The following MAS1 variants were observed in gnomAD, a reference collection of about 807,000 sequenced individuals.
The protein encoded by MAS1 is proto-oncogene Mas.
For synonymous variants in MAS1, 163 were observed against 164.2 expected (o/e 0.99, Z 0.05); for missense variants, 387 against 409.7 (o/e 0.94, Z 0.48).
At chr6:159,903,430 G>C (rs572761763) in intron 2 of MAS1, among the ~76,000 whole-genome samples, 1 of 152,096 alleles carries the variant, frequency 6.6e-6, no homozygotes, top group Admixed American at 6.5e-5. Flanking sequence ...CCAGGTTCCC[G>C]AGCACTAAGC....
In MAS1 at chr6:159,913,917, T is replaced by C. The variant is rs1455697453; in HGVS notation, c.*5984T>C. 4 of 152,238 alleles carry C rather than the reference T, an allele frequency of 2.6e-5. No homozygotes were observed. Among genetic ancestry groups the C allele is most frequent in the African/African-American group, 4.8e-5 (2 of 41,456 alleles). 9.4% of individuals were successfully genotyped at this position (152,238 alleles called of 1,614,324 possible). On this transcript the variant is annotated 3_prime_UTR_variant, in exon 3 of 3. Coordinates refer to ENST00000674077, the MANE Select transcript of MAS1 (RefSeq NM_002377.4). Reference sequence around the variant, plus strand: ...TCATTCATGGATAAGGAGATCCTCTTACACTAATTATTTAAATGTGTACAT... The same window carrying C: ...TCATTCATGGATAAGGAGATCCTCTCACACTAATTATTTAAATGTGTACAT...
At chr6:159,904,077 G>T (rs114514207) in intron 2 of MAS1, among the ~76,000 whole-genome samples, 2 of 152,140 alleles carry the variant, frequency 1.3e-5, no homozygotes, top group African/African-American at 4.8e-5. Context: ...GGCCTCCTGG[G>T]AGCCCTTCTT....
chr6:159,916,453 A>G lies in MAS1; in HGVS notation c.*8520A>G, dbSNP rs1027894248. 1 of 152,188 alleles carries G rather than the reference A, an allele frequency of 6.6e-6. No homozygotes were observed. The highest frequency in any genetic ancestry group is 2.4e-5 in the African/African-American group (1 of 41,432). 9.4% of individuals were successfully genotyped at this position (152,188 alleles called of 1,614,324 possible). A position where few individuals can be genotyped will look rare whatever the true frequency, so the allele number is the denominator to read the frequency against. On this transcript the variant is annotated 3_prime_UTR_variant, in exon 3 of 3. Transcript: ENST00000674077. ...ATGGACATGTAGCTAACCCCACTGT[A>G]CTGTATTCTTAAAAATGTTTCAGAT...
In MAS1 at chr6:159,907,866, A is replaced by G. The variant is rs748801784; in HGVS notation, c.911A>G (p.Lys304Arg). The G allele has an allele frequency of 1.3e-5, 21 of 1,611,630 alleles. No homozygotes were observed. The highest frequency in any genetic ancestry group is 1.4e-5 in the Non-Finnish European group (16 of 1,179,614). Residue 304 changes from lysine (K) to arginine (R), a missense_variant, in exon 3 of 3, where the codon AAA becomes AGA. By Grantham distance (26) the Lys-to-Arg change is conservative (BLOSUM62 2). Coordinates refer to ENST00000674077, the MANE Select transcript of MAS1 (RefSeq NM_002377.4). The part of the protein sequence containing the change: ...SLKVVLTRAF[K>R]DEMQPRRQKD... ...AAAGTTGTTCTGACCAGGGCTTTCA[A>G]AGATGAAATGCAACCTCGGCGCCAG...
chr6:159,907,653 C>T lies in MAS1; in HGVS notation c.698C>T (p.Thr233Ile). ...SSKLYIVIMV[T>I]IIIFLIFAMP... ...AAGCTTTACATAGTCATCATGGTCACCATCATTATATTCCTCATCTTCGCT... is the reference window on the plus strand; with the variant it reads ...AAGCTTTACATAGTCATCATGGTCATCATCATTATATTCCTCATCTTCGCT... The change falls in exon 3 of 3, where the codon ACC becomes ATC. Residue 233 changes from threonine to isoleucine, a missense_variant. Thr to Ile is a moderately conservative substitution (Grantham distance 89). Coordinates refer to ENST00000674077, the MANE Select transcript of MAS1 (RefSeq NM_002377.4). The T allele has an allele frequency of 6.2e-7, 1 of 1,613,858 alleles. No homozygotes were observed. The highest frequency in any genetic ancestry group is 8.5e-7 in the Non-Finnish European group (1 of 1,179,984).
rs976193293 is a variant in MAS1, at chr6:159,909,466, G to A, written c.*1533G>A. On this transcript the variant is annotated 3_prime_UTR_variant, in exon 3 of 3. Coordinates refer to ENST00000674077, the MANE Select transcript of MAS1 (RefSeq NM_002377.4). ...AGAGGAGTCTGTCCCCTCGAGCAAGGACCCCACTGCCAGCCAAGCTTGGAT... is the reference window on the plus strand; with the variant it reads ...AGAGGAGTCTGTCCCCTCGAGCAAGAACCCCACTGCCAGCCAAGCTTGGAT... 1.3e-5 allele frequency: 2 copies of A among 152,186 alleles called. No homozygotes were observed. Among genetic ancestry groups the A allele is most frequent in the Non-Finnish European group, 2.9e-5 (2 of 68,032 alleles). 9.4% of individuals were successfully genotyped at this position (152,186 alleles called of 1,614,324 possible).
intron 1 of MAS1, among the ~76,000 whole-genome samples, chr6:159,891,637 G>A (rs1264062359): frequency 6.6e-6 from 1 of 152,116 alleles, no homozygotes; most frequent in Non-Finnish European, 1.5e-5. Context: ...TCCTTAGTGG[G>A]CACTGGCATC....
At chr6:159,899,955 A>G (rs1782804177) in intron 2 of MAS1, among the ~76,000 whole-genome samples, 1 of 152,176 alleles carries the variant, frequency 6.6e-6, no homozygotes, top group Admixed American at 6.5e-5. Context: ...CTGAGGCAGG[A>G]GAATCGCTTG....
intron 2 of MAS1, 153 bp from the exon 3 acceptor site, chr6:159,906,767 A>AGAAGAGAGTCAC: frequency 1.6e-6 from 1 of 617,658 alleles, no homozygotes; most frequent in Non-Finnish European, 2.8e-6. Flanking sequence ...TAAAGGCCTA[A>AGAAGAGAGTCAC]TCTTATCATT....
chr6:159,896,520 A>G (rs1193070300), intron 1 of MAS1, among the ~76,000 whole-genome samples: 1 of 152,230 alleles, frequency 6.6e-6, no homozygotes, highest in Non-Finnish European at 1.5e-5. Flanking sequence ...GAATATCCTA[A>G]ATGTTGAATC....
intron 1 of MAS1, among the ~76,000 whole-genome samples, chr6:159,898,560 TTCC>T (rs1378411775): frequency 4.0e-5 from 5 of 126,050 alleles, no homozygotes; most frequent in Non-Finnish European, 8.3e-5. Context: ...CTCCTGCCTC[TTCC>T]TCCTCCTACC....
At chr6:159,902,323 C>T (rs1321563199) in intron 2 of MAS1, 1 of 152,164 alleles carries the variant, frequency 6.6e-6, no homozygotes, top group Non-Finnish European at 1.5e-5. Context: ...CCATGGCTGT[C>T]TACCTGTGTT....
At chr6:159,896,047 G>A (rs1263860669) in intron 1 of MAS1, among the ~76,000 whole-genome samples, 6 of 152,216 alleles carry the variant, frequency 3.9e-5, no homozygotes, top group South Asian at 2.1e-4. Context: ...AGAGGCTCAC[G>A]CCTGTAATCC....
chr6:159,893,478 G>A (rs957790169), intron 1 of MAS1, among the ~76,000 whole-genome samples: 12 of 152,156 alleles, frequency 7.9e-5, no homozygotes, highest in African/African-American at 2.9e-4. Context: ...AAGAGCAGTG[G>A]CAGACATAGG....
intron 2 of MAS1, among the ~76,000 whole-genome samples, chr6:159,899,785 T>C (rs111798776): frequency 0.024 from 3,650 of 152,222 alleles, 138 homozygotes; most frequent in African/African-American, 0.083. Context: ...CGGTAGCTCA[T>C]GCCTGTAATC....
Position 159,915,632 on chromosome 6 carries a change from T to C in MAS1, c.*7699T>C, listed in dbSNP as rs1783014320. 2 of 152,252 alleles carry C rather than the reference T, an allele frequency of 1.3e-5. No homozygotes were observed. The highest frequency in any genetic ancestry group is 2.9e-5 in the Non-Finnish European group (2 of 68,046). The allele number at this position is 152,252 out of a possible 1,614,324, so 9.4% of individuals were successfully genotyped here. On this transcript the variant is annotated 3_prime_UTR_variant, in exon 3 of 3. Coordinates refer to ENST00000674077, the MANE Select transcript of MAS1 (RefSeq NM_002377.4). ...CAGGACTGGAAGCCTGCCTACTTAG[T>C]AGCTTGGCAAGTGTCAACAAGTTAA...
At chr6:159,894,418 C>CAAAAAAAAAAAAAAA (rs5881344) in intron 1 of MAS1, among the ~76,000 whole-genome samples, 1 of 79,134 alleles carries the variant, frequency 1.3e-5, no homozygotes, top group African/African-American at 4.8e-5. Context: ...GACCCTGTCT[C>CAAAAAAAAAAAAAAA]AAAAAAAAAA....
intron 1 of MAS1, among the ~76,000 whole-genome samples, chr6:159,897,688 C>T (rs1412791375): frequency 2.0e-5 from 3 of 152,144 alleles, no homozygotes; most frequent in Non-Finnish European, 4.4e-5. Context: ...AAGATGGAAT[C>T]AGTTAGGTGA....
At chr6:159,903,195 A>C (rs1782843554) in intron 2 of MAS1, among the ~76,000 whole-genome samples, 3 of 148,588 alleles carry the variant, frequency 2.0e-5, no homozygotes, top group East Asian at 2.0e-4. Flanking sequence ...CACATCTGTT[A>C]CCTCCCTCAT....
Sources: gnomAD v4.1 joint callset for allele counts (sites outside exome capture counted in the v4.1 genomes callset) on GRCh38, gnomAD v4.1.1 for gene constraint, MANE v1.5 for transcripts, NCBI Gene and HGNC (gene_info 2026-07-23, HGNC 2026-07-21) for gene names.